MMADHC: variants seen among roughly 807,000 people sequenced by gnomAD.
The protein encoded by MMADHC is cobalamin trafficking protein CblD.
In MMADHC, 23 loss-of-function variants were observed where a neutral mutation model predicts 36.3. The ratio of observed to expected loss-of-function variants is 0.63; its 90% confidence interval spans 0.46 to 0.90. MMADHC has a LOEUF of 0.90. Among genes scored for constraint, MMADHC ranks in the 40% least tolerant of loss-of-function variants. The pLI, the probability that MMADHC is intolerant of heterozygous loss-of-function variation, is 0.00. For synonymous variants in MMADHC, 97 were observed against 116.1 expected, an observed-to-expected ratio of 0.84 and a Z score of 1.06; for missense variants, 330 against 348.0, an observed-to-expected ratio of 0.95 and a Z score of 0.41.
At chr2:149,581,128 A>G (rs140345407) in intron 3 of MMADHC, among the ~76,000 whole-genome samples, 16 of 152,238 alleles carry the variant, frequency 1.1e-4, no homozygotes, top group Admixed American at 8.5e-4. Context: ...GGATTTGACC[A>G]TATGTTTACT....
intron 5 of MMADHC, among the ~76,000 whole-genome samples, 154 bp downstream of exon 5, chr2:149,576,283 T>C (rs566470735): frequency 6.6e-5 from 10 of 152,220 alleles, no homozygotes; most frequent in Non-Finnish European, 1.5e-4. Flanking sequence ...TCACAGGACA[T>C]TTCAAAGCCT....
intron 6 of MMADHC, among the ~76,000 whole-genome samples, chr2:149,574,059 T>C (rs1162680119): frequency 6.6e-6 from 1 of 152,024 alleles, no homozygotes; most frequent in African/African-American, 2.4e-5. Context: ...GAAAATAAAA[T>C]AGCTTCAGTC....
intron 6 of MMADHC, among the ~76,000 whole-genome samples, chr2:149,575,009 G>A (rs1207199925): frequency 2.6e-5 from 4 of 152,060 alleles, no homozygotes; most frequent in African/African-American, 9.7e-5. Flanking sequence ...GCCCAGGTTG[G>A]TCTCAAACTC....
intron 2 of MMADHC, among the ~76,000 whole-genome samples, chr2:149,586,097 T>C (rs1682865301): frequency 1.3e-5 from 2 of 152,198 alleles, no homozygotes; most frequent in South Asian, 2.1e-4. Context: ...CTTGTCTCTA[T>C]AGTCACACTT....
At chr2:149,572,851 A>C (rs1179932948) in intron 6 of MMADHC, among the ~76,000 whole-genome samples, 3 of 152,084 alleles carry the variant, frequency 2.0e-5, no homozygotes, top group Non-Finnish European at 4.4e-5. Flanking sequence ...GACCTTACTG[A>C]CCAACTCTGG....
intron 6 of MMADHC, among the ~76,000 whole-genome samples, chr2:149,574,948 C>T (rs1682692097): frequency 6.6e-6 from 1 of 152,088 alleles, no homozygotes; most frequent in Non-Finnish European, 1.5e-5. Context: ...TACAGGTGCG[C>T]ACCACTAAAC....
Position 149,570,069 on chromosome 2 carries a change from G to C in MMADHC, c.796C>G (p.Arg266Gly). The C allele has an allele frequency of 6.2e-7, 1 of 1,613,536 alleles. No homozygotes were observed. The highest frequency in any genetic ancestry group is 8.5e-7 in the Non-Finnish European group (1 of 1,179,624). ...VDDLGCCKVI[R>G]HSLWGTHVVV... ...ACATGGGTACCCCAGAGACTATGACGAATCACTTTACAGCATCCAAGGTCA... is the reference window on the plus strand; with the variant it reads ...ACATGGGTACCCCAGAGACTATGACCAATCACTTTACAGCATCCAAGGTCA... The change falls in exon 8 of 8, where the codon CGT becomes GGT. Residue 266 changes from arginine (R) to glycine (G), a missense_variant. Coordinates refer to ENST00000303319, the MANE Select transcript of MMADHC (RefSeq NM_015702.3).
intron 6 of MMADHC, among the ~76,000 whole-genome samples, chr2:149,574,963 A>G (rs1458567797): frequency 1.3e-5 from 2 of 152,038 alleles, no homozygotes; most frequent in South Asian, 2.1e-4. Flanking sequence ...CTAAACCTGG[A>G]TAATTTTTTT....
chr2:149,575,061 T>C (rs1432416777), intron 6 of MMADHC, among the ~76,000 whole-genome samples: 2 of 152,196 alleles, frequency 1.3e-5, no homozygotes, highest in African/African-American at 4.8e-5. Flanking sequence ...CCCAAAGTGT[T>C]AGAATTACAG....
chr2:149,580,330 C>A (rs1682776916), intron 3 of MMADHC, among the ~76,000 whole-genome samples: 1 of 152,194 alleles, frequency 6.6e-6, no homozygotes, highest in African/African-American at 2.4e-5. Flanking sequence ...GGGCATTCTG[C>A]TGCTGTTATC....
chr2:149,582,731 G>A (rs2105050370), intron 2 of MMADHC, among the ~76,000 whole-genome samples: 1 of 152,184 alleles, frequency 6.6e-6, no homozygotes, highest in Admixed American at 6.5e-5. Flanking sequence ...TCCTTTCATT[G>A]TGGTTTCATG....
Position 149,587,158 on chromosome 2 carries a change from GAACAC to G in MMADHC, c.-52-14_-52-10del. On this transcript the variant is annotated splice_polypyrimidine_tract_variant and intron_variant, in intron 1 of 7. Transcript: ENST00000303319. ...CTTTGGTAAAGTTATTTCTGGGAAAGAACACAACAAAACAGACGAGTGATCGATTA... is the reference window on the plus strand; with the variant it reads ...CTTTGGTAAAGTTATTTCTGGGAAAGAACAAAACAGACGAGTGATCGATTA... The G allele has an allele frequency of 6.5e-7, 1 of 1,538,162 alleles. No individual in the cohort carries two copies. Among genetic ancestry groups the G allele is most frequent in the Non-Finnish European group, 9.0e-7 (1 of 1,111,264 alleles).
intron 2 of MMADHC, chr2:149,586,756 A>C (rs1682875826): frequency 3.2e-6 from 1 of 316,966 alleles, no homozygotes; most frequent in Admixed American, 4.6e-5. Flanking sequence ...AGATTAAAAA[A>C]ACCCTTCAGT....
chr2:149,570,775 C>A (rs752050608), intron 7 of MMADHC, among the ~76,000 whole-genome samples: 1 of 152,018 alleles, frequency 6.6e-6, no homozygotes, highest in Non-Finnish European at 1.5e-5. Flanking sequence ...CTAGACTGTA[C>A]CAATTTATAA....
chr2:149,587,320 CCCCAG>C, intron 1 of MMADHC, 171 bp from the exon 2 acceptor site: 1 of 605,482 alleles, frequency 1.7e-6, no homozygotes. Context: ...GGCACAGATC[CCCCAG>C]CCCGGAGCCG....
At chr2:149,581,384 T>A (rs1158014474) in intron 3 of MMADHC, among the ~76,000 whole-genome samples, 2 of 152,196 alleles carry the variant, frequency 1.3e-5, no homozygotes, top group African/African-American at 4.8e-5. Context: ...AGGCTCTGAA[T>A]GCTCAAGTGA....
intron 2 of MMADHC, 68 bp downstream of exon 2, chr2:149,587,021 C>T: frequency 6.7e-7 from 1 of 1,488,594 alleles, no homozygotes; most frequent in Non-Finnish European, 9.4e-7. Flanking sequence ...ATAATTAAAC[C>T]CGTTCTTTCA....
intron 2 of MMADHC, among the ~76,000 whole-genome samples, chr2:149,582,946 G>A (rs972747336): frequency 5.9e-5 from 9 of 152,088 alleles, no homozygotes; most frequent in Non-Finnish European, 1.2e-4. Flanking sequence ...AGGGATTGGC[G>A]AACGATTTCC....
In MMADHC at chr2:149,574,102, G is replaced by A. The variant is rs972050982; in HGVS notation, c.609+1609C>T. Among the ~76,000 whole-genome samples, 31 of 152,058 alleles carry A rather than the reference G, an allele frequency of 2.0e-4. 1 individual carries two copies. Among genetic ancestry groups the A allele is most frequent in the African/African-American group, 7.2e-4 (30 of 41,406 alleles). On this transcript the variant is annotated intron_variant, in intron 6 of 7. Transcript: ENST00000303319. ...AATTAAAACTCTCAAGATGAAGCAC[G>A]TTGCCATTCAAACTGGTTATAGGAA...
Sources: allele counts gnomAD v4.1 joint callset (sites outside exome capture counted in the v4.1 genomes callset), GRCh38; gene constraint gnomAD v4.1.1; transcripts MANE v1.5; gene names NCBI Gene and HGNC (gene_info 2026-07-23, HGNC 2026-07-21).